The following FGGY variants were observed in gnomAD, a reference collection of about 807,000 sequenced individuals.
FGGY encodes FGGY carbohydrate kinase domain containing.
FGGY carries 72 observed loss-of-function variants against 71.3 expected under a neutral mutation model. The ratio of observed to expected loss-of-function variants is 1.01; its 90% CI spans 0.84 to 1.23. The LOEUF (loss-of-function observed/expected upper bound fraction) is 1.23, where lower values mean the gene tolerates loss of function less well. Ranked by LOEUF, FGGY falls within the 50% of genes most tolerant of loss-of-function variation. The probability of loss-of-function intolerance (pLI) is 0.00; values close to 1 mark genes in which losing one functional copy is unlikely to be tolerated. For synonymous variants in FGGY, 251 were observed against 250.3 expected (o/e 1.00, Z -0.02); for missense variants, 668 against 682.3 (o/e 0.98, Z 0.23).
chr1:59,344,049 G>A (rs543352236), intron 3 of FGGY, among the ~76,000 whole-genome samples: 4 of 152,282 alleles, frequency 2.6e-5, no homozygotes, highest in South Asian at 2.1e-4. Context: ...TTATCAAGGC[G>A]ACGCTAATGT....
At position 59,602,421 on chromosome 1, in the gene FGGY, A is replaced by G. The variant is rs115374183; in HGVS notation, c.904-5382A>G. Among the ~76,000 whole-genome samples the G allele has an allele frequency of 5.3e-3, 806 of 152,302 alleles. 12 individuals carry two copies. The highest frequency in any genetic ancestry group is 0.018 in the African/African-American group (761 of 41,556). On this transcript the variant is annotated intron_variant, in intron 8 of 15. Transcript: ENST00000303721. ...GCAATGACTATTTTATTATTTCTATATGATTTATTATTATAATTGTTAACT... is the reference window on the plus strand; with the variant it reads ...GCAATGACTATTTTATTATTTCTATGTGATTTATTATTATAATTGTTAACT...
At chr1:59,309,112 G>A (rs780872949) in intron 1 of FGGY, among the ~76,000 whole-genome samples, 49 of 152,040 alleles carry the variant, frequency 3.2e-4, no homozygotes, top group Non-Finnish European at 6.5e-4. Context: ...TTTTAAAAAT[G>A]GATAGATAGT....
chr1:59,476,309 A>G (rs1348693124), intron 6 of FGGY, among the ~76,000 whole-genome samples: 1 of 152,218 alleles, frequency 6.6e-6, no homozygotes, highest in Non-Finnish European at 1.5e-5. Context: ...TATAGGTATT[A>G]ACTCGTTTAA....
At chr1:59,527,007 T>C (rs1182863008) in intron 7 of FGGY, among the ~76,000 whole-genome samples, 1 of 152,206 alleles carries the variant, frequency 6.6e-6, no homozygotes, top group Non-Finnish European at 1.5e-5. Context: ...TAAAAGGCCT[T>C]AAATTCCCAG....
chr1:59,590,995 A>G (rs970900495), intron 8 of FGGY, among the ~76,000 whole-genome samples: 3 of 152,198 alleles, frequency 2.0e-5, no homozygotes, highest in African/African-American at 7.2e-5. Flanking sequence ...GAGGAAGTCA[A>G]ATTGTCCCTG....
intron 7 of FGGY, among the ~76,000 whole-genome samples, chr1:59,538,448 G>T (rs906172408): frequency 3.3e-5 from 5 of 151,656 alleles, no homozygotes; most frequent in Admixed American, 1.3e-4. Flanking sequence ...ATTCCTCAGG[G>T]ATCTAGAACT....
chr1:59,658,405 T>C (rs2097242010), intron 11 of FGGY, among the ~76,000 whole-genome samples: 1 of 152,226 alleles, frequency 6.6e-6, no homozygotes, highest in South Asian at 2.1e-4. Flanking sequence ...TTCCATCTTC[T>C]TGTGTATTAA....
intron 6 of FGGY, among the ~76,000 whole-genome samples, chr1:59,481,003 A>G (rs2093446604): frequency 6.6e-6 from 1 of 152,146 alleles, no homozygotes; most frequent in African/African-American, 2.4e-5. Flanking sequence ...TTCTATTTTT[A>G]GGTATGCATC....
chr1:59,608,813 G>T (rs948242910), intron 9 of FGGY, among the ~76,000 whole-genome samples: 1 of 152,026 alleles, frequency 6.6e-6, no homozygotes, highest in African/African-American at 2.4e-5. Context: ...CTTCAGCCTG[G>T]GCGACAAGAG....
At chr1:59,481,822 C>T (rs1041947845) in intron 6 of FGGY, among the ~76,000 whole-genome samples, 3 of 152,158 alleles carry the variant, frequency 2.0e-5, no homozygotes, top group Admixed American at 1.3e-4. Flanking sequence ...CTAAGGGGTA[C>T]ACTGCCCCAC....
chr1:59,719,721 C>T (rs565164469), intron 14 of FGGY, among the ~76,000 whole-genome samples: 10 of 152,262 alleles, frequency 6.6e-5, no homozygotes, highest in Admixed American at 6.5e-4. Context: ...ATGTTAATCA[C>T]TTACTATAGG....
intron 6 of FGGY, among the ~76,000 whole-genome samples, chr1:59,486,753 C>T (rs540011783): frequency 6.6e-6 from 1 of 152,170 alleles, no homozygotes; most frequent in Non-Finnish European, 1.5e-5. Context: ...ACTTGCTCTA[C>T]TGTGTGGTGA....
intron 6 of FGGY, among the ~76,000 whole-genome samples, chr1:59,486,056 T>C (rs2093648747): frequency 6.6e-6 from 1 of 152,192 alleles, no homozygotes; most frequent in Non-Finnish European, 1.5e-5. Flanking sequence ...GCACATCACT[T>C]AGAGCCCCTG....
intron 1 of FGGY, among the ~76,000 whole-genome samples, chr1:59,315,899 C>T (rs2045366174): frequency 6.6e-6 from 1 of 152,112 alleles, no homozygotes; most frequent in South Asian, 2.1e-4. Flanking sequence ...AAGAGGAGGC[C>T]TTAAGAAATT....
intron 5 of FGGY, among the ~76,000 whole-genome samples, chr1:59,421,664 A>G (rs2065460037): frequency 6.7e-6 from 1 of 149,526 alleles, no homozygotes; most frequent in Non-Finnish European, 1.5e-5. Flanking sequence ...TGCATGTTTT[A>G]TATCAGGTTG....
chr1:59,479,745 C>A (rs1321942791), intron 6 of FGGY, among the ~76,000 whole-genome samples: 1 of 152,124 alleles, frequency 6.6e-6, no homozygotes, highest in Admixed American at 6.5e-5. Context: ...TTAGAGAAAT[C>A]TTGGAGGATT....
intron 6 of FGGY, among the ~76,000 whole-genome samples, chr1:59,473,049 T>A (rs1020517466): frequency 2.6e-5 from 4 of 152,060 alleles, no homozygotes; most frequent in Admixed American, 6.5e-5. Context: ...GATAAGAGAA[T>A]AAAAGTAGGC....
At chr1:59,400,060 G>A (rs2061759647) in intron 5 of FGGY, among the ~76,000 whole-genome samples, 1 of 152,196 alleles carries the variant, frequency 6.6e-6, no homozygotes, top group African/African-American at 2.4e-5. Flanking sequence ...TGGTAAGGTG[G>A]AGTCAGCATT....
intron 13 of FGGY, chr1:59,673,560 C>T (rs1355231666): frequency 6.3e-6 from 1 of 159,594 alleles, no homozygotes; most frequent in Admixed American, 6.1e-5. Context: ...ATGAATCACA[C>T]CCTCTCTTGC....
Sources: allele counts gnomAD v4.1 joint callset (sites outside exome capture counted in the v4.1 genomes callset), GRCh38; gene constraint gnomAD v4.1.1; transcripts MANE v1.5; gene names NCBI Gene and HGNC (gene_info 2026-07-23, HGNC 2026-07-21).